KLRF1: variants seen among roughly 807,000 people sequenced by gnomAD.
The protein encoded by KLRF1 is killer cell lectin like receptor F1.
Under a neutral mutation model 30.7 loss-of-function variants are expected in KLRF1, and 27 were observed. The ratio of observed to expected loss-of-function variants is 0.88; its 90% CI spans 0.65 to 1.21. KLRF1 has a LOEUF of 1.21. Among genes scored for constraint, KLRF1 ranks in the 50% most tolerant of loss-of-function variants. The pLI, the probability that KLRF1 is intolerant of heterozygous loss-of-function variation, is 0.00. For synonymous variants in KLRF1, 92 were observed against 89.3 expected, an observed-to-expected ratio of 1.03 and a Z score of -0.17; for missense variants, 246 against 259.3, an observed-to-expected ratio of 0.95 and a Z score of 0.35.
chr12:9,838,068 G>A (rs779893946), intron 3 of KLRF1, among the ~76,000 whole-genome samples: 1 of 152,056 alleles, frequency 6.6e-6, no homozygotes, highest in Non-Finnish European at 1.5e-5. Context: ...ACTTACTAGG[G>A]TTACATGACA....
the KLRF1 span, among the ~76,000 whole-genome samples, chr12:9,803,349 A>G: frequency 0.054 from 8,207 of 152,134 alleles, 493 homozygotes; most frequent in African/African-American, 0.15. Flanking sequence ...ACCCAAAACC[A>G]TAAAAACCCT....
At chr12:9,832,500 C>A in intron 2 of KLRF1, 86 bp downstream of exon 2, 1 of 776,170 alleles carries the variant, frequency 1.3e-6, no homozygotes, top group Non-Finnish European at 2.1e-6. Flanking sequence ...TTCATTCATT[C>A]TTCACTACAT....
In KLRF1 at chr12:9,833,901, C is replaced by CTTTTTTTTTTTTTTTTTTTTT. The variant is rs35443913; in HGVS notation, c.334+454_334+474dup. Among the ~76,000 whole-genome samples, 20 of 82,400 alleles carry CTTTTTTTTTTTTTTTTTTTTT rather than the reference C, an allele frequency of 2.4e-4. 2 individuals carry two copies. The highest frequency in any genetic ancestry group is 4.4e-4 in the African/African-American group (8 of 18,062). The allele number at this position is 82,400 out of a possible 152,430, so 54.1% of individuals were successfully genotyped here. On this transcript the variant is annotated intron_variant, in intron 3 of 5. Coordinates refer to ENST00000617889, the MANE Select transcript of KLRF1 (RefSeq NM_016523.3). ...TTACCTTCTATTTTTAAATGTTTAACTTTTTTTTTTTTTTTTTTTTTTTTT... is the reference window on the plus strand; with the variant it reads ...TTACCTTCTATTTTTAAATGTTTAACTTTTTTTTTTTTTTTTTTTTTTTTTTTTTTTTTTTTTTTTTTTTTT...
At chr12:9,822,622 A>G (rs1183037264), upstream of KLRF1, among the ~76,000 whole-genome samples, 2 of 152,230 alleles carry the variant, frequency 1.3e-5, no homozygotes, top group African/African-American at 4.8e-5. Context: ...ACATATGAAT[A>G]CTAACCTTGA....
At chr12:9,820,728 T>C in the KLRF1 span, among the ~76,000 whole-genome samples, 1 of 152,154 alleles carries the variant, frequency 6.6e-6, no homozygotes, top group Non-Finnish European at 1.5e-5. Flanking sequence ...CCAGCATTTC[T>C]CTGAGGAGGA....
the KLRF1 span, among the ~76,000 whole-genome samples, chr12:9,807,763 G>A: frequency 2.0e-5 from 3 of 152,034 alleles, no homozygotes; most frequent in South Asian, 2.1e-4. Flanking sequence ...ACTTTTTTGC[G>A]GGGAGGGGTG....
At chr12:9,811,968 C>G in the KLRF1 span, among the ~76,000 whole-genome samples, 3 of 152,140 alleles carry the variant, frequency 2.0e-5, no homozygotes, top group Admixed American at 6.5e-5. Flanking sequence ...CTCTTTACCT[C>G]AAAAGGTGAA....
At chr12:9,839,385 C>T (rs746594603) in intron 3 of KLRF1, among the ~76,000 whole-genome samples, 2 of 152,124 alleles carry the variant, frequency 1.3e-5, no homozygotes, top group South Asian at 4.1e-4. Context: ...GGTATGCAAA[C>T]ATTCAGTTCA....
At chr12:9,827,981 C>T (rs1291221752) in intron 1 of KLRF1, among the ~76,000 whole-genome samples, 1 of 152,130 alleles carries the variant, frequency 6.6e-6, no homozygotes, top group African/African-American at 2.4e-5. Flanking sequence ...AGGACATTCT[C>T]TGAGGAAATA....
In KLRF1 at chr12:9,844,531, T is replaced by G. The variant is rs2232549; in HGVS notation, c.*5T>G. On this transcript the variant is annotated 3_prime_UTR_variant, in exon 6 of 6. Transcript: ENST00000617889. Reference sequence around the variant, plus strand: ...AAATGGATTTGTCAGTATTAGAGTTTGACAAAATTCACAGTGAAATAATCA... The same window carrying G: ...AAATGGATTTGTCAGTATTAGAGTTGGACAAAATTCACAGTGAAATAATCA... 109 of 1,486,934 alleles carry G rather than the reference T, an allele frequency of 7.3e-5. No individual in the cohort carries two copies. In the East Asian group the frequency reaches 2.3e-3, roughly 31 times the overall value. The allele number at this position is 1,486,934 out of a possible 1,614,324, so 92.1% of individuals were successfully genotyped here.
At chr12:9,842,266 G>T (rs1336049920) in intron 4 of KLRF1, 55 bp from the exon 5 acceptor site, 1 of 1,590,296 alleles carries the variant, frequency 6.3e-7, no homozygotes, top group Non-Finnish European at 8.6e-7. Context: ...AAAATATTCA[G>T]TGTGTCTGAA....
At chr12:9,803,188 C>G in the KLRF1 span, among the ~76,000 whole-genome samples, 1 of 152,142 alleles carries the variant, frequency 6.6e-6, no homozygotes, top group South Asian at 2.1e-4. Context: ...TTCGACAAAC[C>G]TGACAAAAAT....
chr12:9,801,308 A>ACG, the KLRF1 span, among the ~76,000 whole-genome samples: 1 of 152,038 alleles, frequency 6.6e-6, no homozygotes, highest in African/African-American at 2.4e-5. Context: ...CAATAGACAT[A>ACG]TGTCTGCATG....
rs1867767746 is a variant in KLRF1, at chr12:9,844,425, A to G, written c.595A>G (p.Ile199Val). 1.3e-6 allele frequency: 2 copies of G among 1,583,434 alleles called. No individual in the cohort carries two copies. Among genetic ancestry groups the G allele is most frequent in the Non-Finnish European group, 1.7e-6 (2 of 1,153,032 alleles). Reference sequence around the variant, plus strand: ...TTATTCTCTCTTCCCTAGATTCTTCATAAAGGGACCAGCTAAAGAAAACAG... The same window carrying G: ...TTATTCTCTCTTCCCTAGATTCTTCGTAAAGGGACCAGCTAAAGAAAACAG... ...GSPIDSKIFF[I>V]KGPAKENSCA... is the part of the protein sequence containing the mutation. The change falls in exon 6 of 6, where the codon ATA becomes GTA. Residue 199 changes from isoleucine (I) to valine (V), a missense_variant. By Grantham distance (29) the Ile-to-Val change is conservative (BLOSUM62 3). Transcript: ENST00000617889.
chr12:9,820,384 C>T, the KLRF1 span, among the ~76,000 whole-genome samples: 14 of 152,308 alleles, frequency 9.2e-5, no homozygotes, highest in African/African-American at 2.4e-4. Flanking sequence ...CCTCGCTGGG[C>T]GGGTCTTCTC....
At chr12:9,841,997 T>C in intron 4 of KLRF1, 46 bp downstream of exon 4, 1 of 1,550,006 alleles carries the variant, frequency 6.5e-7, no homozygotes, top group Admixed American at 2.0e-5. Context: ...CAGTAAAAAA[T>C]GGCTTTCCTC....
intron 1 of KLRF1, among the ~76,000 whole-genome samples, chr12:9,831,578 A>C: frequency 6.6e-6 from 1 of 152,302 alleles, no homozygotes; most frequent in East Asian, 1.9e-4. Flanking sequence ...TTCACAAAGT[A>C]TAGATATTCA....
Position 9,842,432 on chromosome 12 carries a change from A to G in KLRF1, c.586A>G (p.Ile196Val), listed in dbSNP as rs1407350623. 2 of 1,611,108 alleles carry G rather than the reference A, an allele frequency of 1.2e-6. No homozygotes were observed. Among genetic ancestry groups the G allele is most frequent in the Non-Finnish European group, 1.7e-6 (2 of 1,178,340 alleles). The change falls in exon 5 of 6, where the codon ATA (isoleucine) becomes GTA (valine). Residue 196 changes from isoleucine to valine, a missense_variant and splice_region_variant. Physicochemically the swap from Ile to Val is conservative, Grantham distance 29. Coordinates refer to ENST00000617889, the MANE Select transcript of KLRF1 (RefSeq NM_016523.3). The part of the protein sequence containing the change: ...WVDGSPIDSK[I>V]FFIKGPAKEN... ...GGATGGTTCTCCAATAGATTCAAAG[A>G]TGTGAGTCTTTCTTAAAAGGCAATC...
In KLRF1 at chr12:9,844,522, AT is replaced by A; in HGVS notation, c.694del (p.Ter232ArgfsTer3). 1 of 1,569,398 alleles carries A rather than the reference AT, an allele frequency of 6.4e-7. No homozygotes were observed. Among genetic ancestry groups the A allele is most frequent in the Non-Finnish European group, 8.7e-7 (1 of 1,142,914 alleles). ...AGTGTTTTCAAATGGATTTGTCAGT[AT>A]TAGAGTTTGACAAAATTCACAGTGA... is the stretch of plus-strand genomic sequence containing the variant. ...CSSVFKWICQ[Y>X] On this transcript the variant is annotated frameshift_variant, in exon 6 of 6. Coordinates refer to ENST00000617889, the MANE Select transcript of KLRF1 (RefSeq NM_016523.3). LOFTEE classifies it high-confidence loss of function.
Sources: gnomAD v4.1 joint callset for allele counts (sites outside exome capture counted in the v4.1 genomes callset) on GRCh38, gnomAD v4.1.1 for gene constraint, MANE v1.5 for transcripts, NCBI Gene and HGNC (gene_info 2026-07-23, HGNC 2026-07-21) for gene names.